Variants in SLC35D4 observed in about 807,000 individuals in gnomAD.
SLC35D4 encodes solute carrier family 35 member D4, also known as UDP-N-acetylglucosamine transporter SLC35D4.
the SLC35D4 span, among the ~76,000 whole-genome samples, chr18:23,428,735 A>T: frequency 6.6e-6 from 1 of 151,538 alleles, no homozygotes; most frequent in Admixed American, 6.6e-5. Flanking sequence ...GATTTGCTAC[A>T]CAGGTACATT....
At chr18:23,258,142 C>T in the SLC35D4 span, 2 of 152,508 alleles carry the variant, frequency 1.3e-5, no homozygotes, top group East Asian at 1.9e-4. Flanking sequence ...ATGAGTCAGT[C>T]GCGTGGAAGG....
the SLC35D4 span, among the ~76,000 whole-genome samples, chr18:23,307,737 C>CT: frequency 6.6e-6 from 1 of 152,208 alleles, no homozygotes; most frequent in Non-Finnish European, 1.5e-5. Context: ...GTCACGGGCT[C>CT]TGAGGGCTAT....
the SLC35D4 span, chr18:23,356,522 C>A: frequency 6.6e-6 from 10 of 1,526,244 alleles, no homozygotes; most frequent in Non-Finnish European, 7.3e-6. The surrounding 1 kb of genome is among the most constrained non-coding windows in gnomAD (Gnocchi z 4.1). Context: ...CTAGCAGTGA[C>A]CCTGAACTTC....
the SLC35D4 span, among the ~76,000 whole-genome samples, chr18:23,251,517 C>G: frequency 2.0e-5 from 3 of 152,044 alleles, no homozygotes; most frequent in Non-Finnish European, 4.4e-5. Context: ...CAAGTATACT[C>G]TCGAGGAGGG....
At chr18:23,403,834 C>T in the SLC35D4 span, among the ~76,000 whole-genome samples, 2 of 152,206 alleles carry the variant, frequency 1.3e-5, no homozygotes, top group Non-Finnish European at 2.9e-5. Flanking sequence ...GCATGTCTTA[C>T]ATTTGGTTTT....
At chr18:23,355,467 C>CG in the SLC35D4 span, among the ~76,000 whole-genome samples, 1 of 152,158 alleles carries the variant, frequency 6.6e-6, no homozygotes, top group East Asian at 1.9e-4. Context: ...TCCCAGCTAA[C>CG]GGGCAAGGCC....
chr18:23,325,673 C>T, the SLC35D4 span, among the ~76,000 whole-genome samples: 3 of 152,326 alleles, frequency 2.0e-5, no homozygotes, highest in South Asian at 6.2e-4. Flanking sequence ...TCAGCTGCCA[C>T]ATCAAGGTCC....
the SLC35D4 span, among the ~76,000 whole-genome samples, chr18:23,265,768 A>C: frequency 6.6e-6 from 1 of 152,034 alleles, no homozygotes; most frequent in African/African-American, 2.4e-5. Flanking sequence ...CTCTCTCCCC[A>C]CTGGAGAGGG....
chr18:23,302,145 G>A, the SLC35D4 span, among the ~76,000 whole-genome samples: 3 of 152,198 alleles, frequency 2.0e-5, no homozygotes, highest in East Asian at 1.9e-4. Context: ...GAGAGATGGC[G>A]CCAGCCACCT....
chr18:23,401,364 T>C, the SLC35D4 span, among the ~76,000 whole-genome samples: 1 of 152,078 alleles, frequency 6.6e-6, no homozygotes, highest in Non-Finnish European at 1.5e-5. Flanking sequence ...CTGCAAACAC[T>C]CAGATAATTG....
the SLC35D4 span, among the ~76,000 whole-genome samples, chr18:23,421,673 TC>T: frequency 1.4e-5 from 2 of 147,800 alleles, no homozygotes; most frequent in African/African-American, 5.0e-5. Context: ...ATTCTTCTCC[TC>T]TTTTTTTTTT....
At chr18:23,341,949 G>C in the SLC35D4 span, among the ~76,000 whole-genome samples, 1 of 151,494 alleles carries the variant, frequency 6.6e-6, no homozygotes, top group East Asian at 1.9e-4. Context: ...AAATAAAAAA[G>C]AGACTTGAAA....
the SLC35D4 span, among the ~76,000 whole-genome samples, chr18:23,309,151 T>C: frequency 5.9e-5 from 9 of 151,442 alleles, no homozygotes; most frequent in East Asian, 2.0e-4. Flanking sequence ...GATGCAACCA[T>C]TGCAGGCCTA....
At chr18:23,286,789 TC>T in the SLC35D4 span, among the ~76,000 whole-genome samples, 1 of 152,162 alleles carries the variant, frequency 6.6e-6, no homozygotes, top group Non-Finnish European at 1.5e-5. Flanking sequence ...CTTTTAGTTA[TC>T]CCCACCTGCC....
chr18:23,246,404 T>G, the SLC35D4 span, among the ~76,000 whole-genome samples: 18 of 152,154 alleles, frequency 1.2e-4, no homozygotes, highest in Non-Finnish European at 2.1e-4. Context: ...TTTTGGTTTT[T>G]TTTTTGAGAC....
chr18:23,240,297 GAAGGGGGTTGGTTTTGCATAA>G, the SLC35D4 span, among the ~76,000 whole-genome samples: 1 of 152,192 alleles, frequency 6.6e-6, no homozygotes, highest in Non-Finnish European at 1.5e-5. Context: ...CCCAAAGTAG[GAAGGGGGTTGGTTTTGCATAA>G]AATAGATTTT....
chr18:23,250,619 T>TGA, the SLC35D4 span, among the ~76,000 whole-genome samples: 1 of 152,190 alleles, frequency 6.6e-6, no homozygotes. Flanking sequence ...ACCTTGGCAG[T>TGA]GAGAGCAGTG....
chr18:23,363,332 C>T, the SLC35D4 span, among the ~76,000 whole-genome samples: 1 of 140,244 alleles, frequency 7.1e-6, no homozygotes, highest in African/African-American at 2.6e-5. Flanking sequence ...AATCTGTGAA[C>T]ATAACTTTCC....
At chr18:23,379,674 G>C in the SLC35D4 span, among the ~76,000 whole-genome samples, 7 of 152,144 alleles carry the variant, frequency 4.6e-5, no homozygotes, top group Non-Finnish European at 1.0e-4. Context: ...CATCTCCCAG[G>C]GCTCTGGATA....
Sources: gnomAD v4.1 joint callset for allele counts (sites outside exome capture counted in the v4.1 genomes callset) on GRCh38, gnomAD v4.1.1 for gene constraint, Gnocchi (gnomAD v3.1) non-coding constraint, MANE v1.5 for transcripts, NCBI Gene and HGNC (gene_info 2026-07-23, HGNC 2026-07-21) for gene names.